The following CHRM5 variants were observed in gnomAD, a reference collection of about 807,000 sequenced individuals.
CHRM5 encodes muscarinic acetylcholine receptor M5.
A neutral mutation model predicts 39.0 loss-of-function variants in CHRM5; 18 were observed. The ratio of observed to expected loss-of-function variants is 0.46; its 90% CI spans 0.32 to 0.68. The LOEUF (loss-of-function observed/expected upper bound fraction) is 0.68. Ranked by LOEUF, CHRM5 falls within the 30% of genes least tolerant of loss-of-function variation. The probability of loss-of-function intolerance (pLI) is 0.04; values close to 1 mark genes in which losing one functional copy is unlikely to be tolerated. For synonymous variants in CHRM5, 241 were observed against 246.3 expected (o/e 0.98, Z 0.20); for missense variants, 515 against 651.1 (o/e 0.79, Z 2.28).
At chr15:34,017,990 T>C (rs1898020643) in intron 1 of CHRM5, among the ~76,000 whole-genome samples, 1 of 152,244 alleles carries the variant, frequency 6.6e-6, no homozygotes, top group Non-Finnish European at 1.5e-5. Flanking sequence ...ACCAGTCATA[T>C]AAAAGTCCAG....
intron 1 of CHRM5, among the ~76,000 whole-genome samples, chr15:34,021,633 T>A (rs2140718001): frequency 6.6e-6 from 1 of 152,198 alleles, no homozygotes; most frequent in East Asian, 1.9e-4. Context: ...GGTGGGCAGA[T>A]CATTTGAGGT....
At chr15:33,991,984 T>C (rs1896743168) in intron 1 of CHRM5, 1 of 152,398 alleles carries the variant, frequency 6.6e-6, no homozygotes, top group Non-Finnish European at 1.5e-5. Flanking sequence ...ATGATGCAGC[T>C]GGACCAGCAA....
chr15:34,028,782 TG>T (rs1464451011), intron 1 of CHRM5, among the ~76,000 whole-genome samples: 1 of 151,868 alleles, frequency 6.6e-6, no homozygotes, highest in Non-Finnish European at 1.5e-5. Flanking sequence ...AACTAGCACA[TG>T]GGGGGTGAGA....
At chr15:33,976,470 T>TAACA (rs34893567) in intron 1 of CHRM5, among the ~76,000 whole-genome samples, 129,459 of 152,038 alleles carry the variant, frequency 0.85, 57,905 homozygotes, top group Non-Finnish European at 0.98. Flanking sequence ...TACACAGCTT[T>TAACA]AATATAAATT....
chr15:34,047,625 T>A (rs932632562), intron 2 of CHRM5, among the ~76,000 whole-genome samples: 2 of 152,092 alleles, frequency 1.3e-5, no homozygotes, highest in Non-Finnish European at 2.9e-5. Context: ...ACCTCTGTGG[T>A]TCAGTTGACT....
intron 1 of CHRM5, among the ~76,000 whole-genome samples, chr15:34,045,796 T>C (rs551053422): frequency 6.6e-6 from 1 of 152,310 alleles, no homozygotes; most frequent in South Asian, 2.1e-4. Flanking sequence ...AAGGAATTCA[T>C]TTGGTACACA....
intron 1 of CHRM5, among the ~76,000 whole-genome samples, chr15:34,033,368 T>G (rs1243050166): frequency 6.6e-6 from 1 of 151,974 alleles, no homozygotes; most frequent in East Asian, 1.9e-4. Context: ...TAGCCGGGTG[T>G]GGCGGTGTGC....
intron 1 of CHRM5, among the ~76,000 whole-genome samples, chr15:33,973,454 T>C (rs996323173): frequency 1.3e-5 from 2 of 152,234 alleles, no homozygotes; most frequent in East Asian, 3.8e-4. Flanking sequence ...CAGTAACTTC[T>C]GGGTAACTTC....
chr15:33,999,790 C>G (rs536345), intron 1 of CHRM5, among the ~76,000 whole-genome samples: 122,443 of 152,078 alleles, frequency 0.81, 49,538 homozygotes, highest in East Asian at 1. Flanking sequence ...ACTAGTCTAC[C>G]CGCTCCCCTC....
intron 1 of CHRM5, chr15:34,003,190 G>A (rs371330802): frequency 9.3e-6 from 15 of 1,613,266 alleles, no homozygotes; most frequent in Non-Finnish European, 1.1e-5. Flanking sequence ...ATAGGTCTCT[G>A]CATCGCTGTC....
At position 33,968,913 on chromosome 15, in the gene CHRM5, A is replaced by G. The variant is rs1181129016; in HGVS notation, c.-645A>G. 1 of 152,126 alleles carries G rather than the reference A, an allele frequency of 6.6e-6. No individual in the cohort carries two copies. The highest frequency in any genetic ancestry group is 2.4e-5 in the African/African-American group (1 of 41,454). 9.4% of individuals were successfully genotyped at this position (152,126 alleles called of 1,614,324 possible). On this transcript the variant is annotated 5_prime_UTR_variant, in exon 1 of 3. In the 5' UTR this introduces an upstream ATG that the reference lacks. Coordinates refer to ENST00000383263, the MANE Select transcript of CHRM5 (RefSeq NM_012125.4). ...ATCAGATCAACTGCTGTTACCAGAT[A>G]AAGGCAAAACTCACCCTTCTGGTTC...
intron 2 of CHRM5, among the ~76,000 whole-genome samples, chr15:34,059,994 AAAAG>A (rs144128211): frequency 0.089 from 13,510 of 152,162 alleles, 916 homozygotes; most frequent in East Asian, 0.31. Flanking sequence ...AGGAAGGAAG[AAAAG>A]AAAGAATAAA....
intron 1 of CHRM5, among the ~76,000 whole-genome samples, chr15:33,989,154 A>C (rs1392401685): frequency 2.0e-5 from 3 of 148,214 alleles, no homozygotes; most frequent in African/African-American, 5.3e-5. Flanking sequence ...ACAAACACAC[A>C]CAAAAAAGCT....
At chr15:34,006,082 A>C (rs532493987) in intron 1 of CHRM5, among the ~76,000 whole-genome samples, 12 of 152,258 alleles carry the variant, frequency 7.9e-5, no homozygotes, top group African/African-American at 2.6e-4. Flanking sequence ...GAGGCCGAGG[A>C]GGGCAGATCA....
chr15:34,038,177 A>C (rs1018919281), intron 1 of CHRM5, among the ~76,000 whole-genome samples: 1 of 152,236 alleles, frequency 6.6e-6, no homozygotes, highest in Non-Finnish European at 1.5e-5. Flanking sequence ...CTACACATAC[A>C]GGCATAATAA....
chr15:34,005,492 G>C (rs569351903), intron 1 of CHRM5, among the ~76,000 whole-genome samples: 5 of 152,244 alleles, frequency 3.3e-5, no homozygotes, highest in African/African-American at 1.2e-4. Context: ...GCTCAATGGA[G>C]TCAAGCTAAA....
intron 1 of CHRM5, among the ~76,000 whole-genome samples, chr15:34,026,012 A>G (rs181875677): frequency 0.014 from 2,173 of 152,268 alleles, 49 homozygotes; most frequent in African/African-American, 0.048. Context: ...AAATTGGAAT[A>G]TATCTATGTT....
intron 1 of CHRM5, among the ~76,000 whole-genome samples, chr15:34,039,776 T>A (rs958628195): frequency 5.9e-5 from 9 of 152,182 alleles, no homozygotes; most frequent in Non-Finnish European, 1.2e-4. Flanking sequence ...ATAACAGCTC[T>A]ATGAGGTAGG....
intron 1 of CHRM5, among the ~76,000 whole-genome samples, chr15:33,977,241 T>C (rs1274393843): frequency 6.6e-6 from 1 of 152,106 alleles, no homozygotes; most frequent in Non-Finnish European, 1.5e-5. Context: ...ACAGGGAAGC[T>C]TGCCTTTAGG....
Sources: gnomAD v4.1 joint callset for allele counts (sites outside exome capture counted in the v4.1 genomes callset) on GRCh38, gnomAD v4.1.1 for gene constraint, MANE v1.5 for transcripts, NCBI Gene and HGNC (gene_info 2026-07-23, HGNC 2026-07-21) for gene names.